ADGRV1: variants seen among roughly 807,000 people sequenced by gnomAD.
ADGRV1 encodes G-protein coupled receptor 98.
A neutral mutation model predicts 596.2 loss-of-function variants in ADGRV1; 359 were observed. The ratio of observed to expected loss-of-function variants is 0.60; its 90% CI spans 0.55 to 0.66. The LOEUF (loss-of-function observed/expected upper bound fraction) is 0.66. Ranked by LOEUF, ADGRV1 falls within the 30% of genes least tolerant of loss-of-function variation. The pLI is 0.00. For missense variants in ADGRV1, 7,274 were observed against 7,575.6 expected (o/e 0.96, Z 1.48); for synonymous variants, 2,681 against 2,679.2 (o/e 1.00, Z -0.02).
At chr5:91,108,875 G>A (rs1792125382) in intron 87 of ADGRV1, among the ~76,000 whole-genome samples, 1 of 152,078 alleles carries the variant, frequency 6.6e-6, no homozygotes, top group Non-Finnish European at 1.5e-5. Flanking sequence ...GGGATTATAG[G>A]CATGAGCCAC....
At chr5:90,868,420 A>AG (rs1235508995) in intron 83 of ADGRV1, among the ~76,000 whole-genome samples, 1 of 152,072 alleles carries the variant, frequency 6.6e-6, no homozygotes, top group Non-Finnish European at 1.5e-5. Flanking sequence ...AGAAAGGGAA[A>AG]GGTCCTTAGG....
At chr5:90,718,228 A>G (rs1214687841) in intron 43 of ADGRV1, 1 of 152,226 alleles carries the variant, frequency 6.6e-6, no homozygotes, top group Non-Finnish European at 1.5e-5. Context: ...ATGTGAAATT[A>G]TACAGTATTT....
chr5:90,656,304 AAATAAATTCGCTAGCATCAC>A (rs1348865917), intron 20 of ADGRV1, among the ~76,000 whole-genome samples: 4 of 152,214 alleles, frequency 2.6e-5, no homozygotes, highest in African/African-American at 9.6e-5. Context: ...CAGAGTCAGT[AAATAAATTCGCTAGCATCAC>A]ACAGGCAAGT....
At chr5:90,748,813 G>GTTTTTTTTTTT (rs10700327) in intron 52 of ADGRV1, among the ~76,000 whole-genome samples, 1 of 142,312 alleles carries the variant, frequency 7.0e-6, no homozygotes. Context: ...CTATCATCAA[G>GTTTTTTTTTTT]TTTTTTTTTG....
chr5:90,787,309 C>G (rs1204371829), intron 67 of ADGRV1, among the ~76,000 whole-genome samples: 1 of 152,128 alleles, frequency 6.6e-6, no homozygotes, highest in Non-Finnish European at 1.5e-5. Flanking sequence ...ATTTCCGTGT[C>G]TTTTACACTA....
chr5:91,122,460 A>G lies in ADGRV1; in HGVS notation c.18432+20120A>G, dbSNP rs143163837. ...CACATAAAGAAAAGCAGAAAGTCCT[A>G]TTTGTTCAAGTTTATTTTCTAATAG... On this transcript the variant is annotated intron_variant, in intron 87 of 89. Coordinates refer to ENST00000405460, the MANE Select transcript of ADGRV1 (RefSeq NM_032119.4). Among the ~76,000 whole-genome samples, 254 of 152,312 alleles carry G rather than the reference A, an allele frequency of 1.7e-3. 1 individual carries two copies. The highest frequency in any genetic ancestry group is 5.7e-3 in the African/African-American group (238 of 41,588).
chr5:90,565,184 C>G (rs981546587), intron 1 of ADGRV1, among the ~76,000 whole-genome samples: 1 of 152,122 alleles, frequency 6.6e-6, no homozygotes, highest in African/African-American at 2.4e-5. Flanking sequence ...TTGCAGTGAG[C>G]TGAAATCCCG....
intron 39 of ADGRV1, 100 bp downstream of exon 39, chr5:90,709,009 C>A: frequency 2.5e-6 from 2 of 787,984 alleles, no homozygotes; most frequent in Non-Finnish European, 2.1e-6. Context: ...TTTTGTTAAT[C>A]TTAGCTATGT....
At chr5:90,799,791 G>T (rs1761154842) in intron 70 of ADGRV1, among the ~76,000 whole-genome samples, 1 of 152,146 alleles carries the variant, frequency 6.6e-6, no homozygotes, top group Non-Finnish European at 1.5e-5. Context: ...ACAACCATCT[G>T]ATCTTTGACA....
intron 85 of ADGRV1, among the ~76,000 whole-genome samples, chr5:91,009,422 C>G (rs1166695434): frequency 6.6e-6 from 1 of 152,102 alleles, no homozygotes; most frequent in Non-Finnish European, 1.5e-5. Context: ...TAATACAGCT[C>G]TAGTGTGTTC....
chr5:90,852,959 C>A (rs1380955286), intron 79 of ADGRV1, among the ~76,000 whole-genome samples: 1 of 152,160 alleles, frequency 6.6e-6, no homozygotes, highest in South Asian at 2.1e-4. Context: ...ATGTGACTAA[C>A]ATAGAAAAGC....
At chr5:90,991,367 G>A (rs945526320) in intron 85 of ADGRV1, among the ~76,000 whole-genome samples, 18 of 152,326 alleles carry the variant, frequency 1.2e-4, no homozygotes, top group Admixed American at 1.0e-3. Context: ...TTATGCCTAA[G>A]CTTAGAATTT....
intron 10 of ADGRV1, 127 bp downstream of exon 10, chr5:90,635,417 C>A: frequency 1.3e-6 from 1 of 758,082 alleles, no homozygotes; most frequent in Non-Finnish European, 2.1e-6. Flanking sequence ...AAGAAGCCTT[C>A]AGTATGTCAT....
At chr5:90,963,554 C>T (rs1778198911) in intron 83 of ADGRV1, among the ~76,000 whole-genome samples, 1 of 151,568 alleles carries the variant, frequency 6.6e-6, no homozygotes, top group Admixed American at 6.6e-5. Context: ...GCTTTAAATG[C>T]TGGCATGCGT....
chr5:90,648,460 A>G (rs1482184446), intron 17 of ADGRV1, among the ~76,000 whole-genome samples: 1 of 152,104 alleles, frequency 6.6e-6, no homozygotes, highest in African/African-American at 2.4e-5. Flanking sequence ...CTATCACCCT[A>G]AATACATTAG....
chr5:91,099,756 A>C (rs1791203614), intron 86 of ADGRV1, among the ~76,000 whole-genome samples: 1 of 152,186 alleles, frequency 6.6e-6, no homozygotes, highest in South Asian at 2.1e-4. Context: ...ACAAATATGG[A>C]AAGGGAGAAA....
At chr5:90,976,322 G>GTGTGTGTATA (rs1420288881) in intron 84 of ADGRV1, among the ~76,000 whole-genome samples, 15 of 108,616 alleles carry the variant, frequency 1.4e-4, no homozygotes, top group South Asian at 3.0e-4. Flanking sequence ...GTGTGTGTGT[G>GTGTGTGTATA]TATATATATA....
chr5:90,877,453 C>A (rs1484365548), intron 83 of ADGRV1, among the ~76,000 whole-genome samples: 1 of 152,130 alleles, frequency 6.6e-6, no homozygotes, highest in East Asian at 1.9e-4. Flanking sequence ...ATTTTAGTGT[C>A]TCACAAGCAT....
chr5:91,006,611 A>G (rs922291217), intron 85 of ADGRV1, among the ~76,000 whole-genome samples: 2 of 152,172 alleles, frequency 1.3e-5, no homozygotes, highest in East Asian at 1.9e-4. Flanking sequence ...ATCTGTTCCT[A>G]TACTCATAGA....
Sources: allele counts gnomAD v4.1 joint callset (sites outside exome capture counted in the v4.1 genomes callset), GRCh38; gene constraint gnomAD v4.1.1; transcripts MANE v1.5; gene names NCBI Gene and HGNC (gene_info 2026-07-23, HGNC 2026-07-21).